The following SHTN1 variants were observed in gnomAD, a reference collection of about 807,000 sequenced individuals.
SHTN1 encodes the protein shootin-1.
SHTN1 carries 42 observed loss-of-function variants against 83.1 expected under a neutral mutation model. The observed-to-expected ratio is 0.51, with a 90% CI of 0.39 to 0.65. SHTN1 has a LOEUF of 0.65. Among genes scored for constraint, SHTN1 ranks in the 30% least tolerant of loss-of-function variants. The pLI is 0.00. For synonymous variants in SHTN1, 224 were observed against 247.7 expected (o/e 0.90, Z 0.90); for missense variants, 622 against 737.8 (o/e 0.84, Z 1.82).
chr10:117,065,022 T>C (rs1280811440), intron 1 of SHTN1, among the ~76,000 whole-genome samples: 1 of 152,182 alleles, frequency 6.6e-6, no homozygotes, highest in Non-Finnish European at 1.5e-5. Context: ...TTAAGAAAGG[T>C]GGACTACATC....
chr10:117,003,846 C>T (rs1374667946), intron 1 of SHTN1, among the ~76,000 whole-genome samples: 1 of 152,152 alleles, frequency 6.6e-6, no homozygotes, highest in African/African-American at 2.4e-5. Flanking sequence ...CACATTTTTA[C>T]TTCCTTTAAA....
At chr10:117,063,366 C>A (rs1378080355) in intron 1 of SHTN1, among the ~76,000 whole-genome samples, 1 of 152,202 alleles carries the variant, frequency 6.6e-6, no homozygotes, top group Non-Finnish European at 1.5e-5. Flanking sequence ...CTCTGCTCCA[C>A]GGTTTCACCA....
At chr10:117,006,065 C>G (rs1009558102), upstream of SHTN1, among the ~76,000 whole-genome samples, 3 of 152,296 alleles carry the variant, frequency 2.0e-5, no homozygotes, top group South Asian at 6.2e-4. Context: ...TTCAAAGGTG[C>G]TTCTCCCCAA....
rs547470951 is a variant in SHTN1, at chr10:116,979,945, C to A, written c.59-637G>T. On this transcript the variant is annotated intron_variant, in intron 1 of 16. Coordinates refer to ENST00000355371, the MANE Select transcript of SHTN1 (RefSeq NM_001127211.3). Reference sequence around the variant, plus strand: ...AACAACTATTTTCAGACAAGATTGTCAGTCACGACCAGAAATTCAGACTCA... The same window carrying A: ...AACAACTATTTTCAGACAAGATTGTAAGTCACGACCAGAAATTCAGACTCA... Among the ~76,000 whole-genome samples, 3 of 152,272 alleles carry A rather than the reference C, an allele frequency of 2.0e-5. No individual in the cohort carries two copies. The South Asian group carries it at 6.2e-4, about 32-fold the overall frequency.
At chr10:117,118,291 A>G (rs1188769459) in intron 1 of SHTN1, among the ~76,000 whole-genome samples, 1 of 151,138 alleles carries the variant, frequency 6.6e-6, no homozygotes, top group African/African-American at 2.4e-5. Context: ...GCAAATAGGT[A>G]TATGAAGAAA....
intron 1 of SHTN1, among the ~76,000 whole-genome samples, chr10:117,085,273 C>T (rs1748798601): frequency 6.6e-6 from 1 of 152,130 alleles, no homozygotes; most frequent in Admixed American, 6.6e-5. Flanking sequence ...CATATATGCA[C>T]TCAATGCTAT....
At chr10:117,024,174 C>G (rs1446491118) in intron 2 of SHTN1, among the ~76,000 whole-genome samples, 1 of 151,918 alleles carries the variant, frequency 6.6e-6, no homozygotes, top group Non-Finnish European at 1.5e-5. Context: ...TTATGAAATT[C>G]TAGAATAGAC....
At chr10:117,103,530 C>CTTTTT (rs35229163) in intron 1 of SHTN1, among the ~76,000 whole-genome samples, 78 of 77,556 alleles carry the variant, frequency 1.0e-3, no homozygotes, top group East Asian at 1.9e-3. Flanking sequence ...CCTCCCCTCT[C>CTTTTT]TTTTTTTTTT....
intron 1 of SHTN1, among the ~76,000 whole-genome samples, chr10:117,103,639 G>A (rs1427072486): frequency 6.8e-5 from 9 of 133,002 alleles, no homozygotes; most frequent in African/African-American, 2.0e-4. Context: ...CCAGGTTCAC[G>A]CCATTCTCCT....
rs1402932840 is a variant in SHTN1, at chr10:116,881,913, C to T, written c.*4431G>A. On this transcript the variant is annotated 3_prime_UTR_variant, in exon 17 of 17. Coordinates refer to ENST00000355371, the MANE Select transcript of SHTN1 (RefSeq NM_001127211.3). ...TTTGTTTGTCTATTAGCTCTCCTGT[C>T]CATTTTTCAGGGACACGCTCCAGTA... 1 of 359,874 alleles carries T rather than the reference C, an allele frequency of 2.8e-6. No homozygotes were observed. Among genetic ancestry groups the T allele is most frequent in the Non-Finnish European group, 4.9e-6 (1 of 203,274 alleles). 22.3% of individuals were successfully genotyped at this position (359,874 alleles called of 1,614,324 possible). A position where few individuals can be genotyped will look rare whatever the true frequency, so the allele number is the denominator to read the frequency against.
chr10:117,092,708 C>T (rs1053163368), intron 1 of SHTN1, among the ~76,000 whole-genome samples: 1 of 152,112 alleles, frequency 6.6e-6, no homozygotes, highest in Non-Finnish European at 1.5e-5. Context: ...TGAGCAATTA[C>T]CATTTTCTGG....
rs921343510 is a variant in SHTN1 at position 116,883,249 on chromosome 10, T to C, written c.*3095A>G. On this transcript the variant is annotated 3_prime_UTR_variant, in exon 17 of 17. Coordinates refer to ENST00000355371, the MANE Select transcript of SHTN1 (RefSeq NM_001127211.3). ...TAGGGTGCTAGGCACTCTTTCTACT[T>C]ATACTTTCTCTCTCTTGTGTTATAT... The C allele has an allele frequency of 1.1e-4, 16 of 152,204 alleles. No homozygotes were observed. The highest frequency in any genetic ancestry group is 2.9e-5 in the Non-Finnish European group (2 of 68,030). 9.4% of individuals were successfully genotyped at this position (152,204 alleles called of 1,614,324 possible).
At chr10:116,965,047 C>T (rs1216481625) in intron 3 of SHTN1, among the ~76,000 whole-genome samples, 1 of 152,148 alleles carries the variant, frequency 6.6e-6, no homozygotes, top group Non-Finnish European at 1.5e-5. Flanking sequence ...GGGAATGCAG[C>T]TTTGCTATGT....
intron 1 of SHTN1, among the ~76,000 whole-genome samples, chr10:117,061,289 C>T (rs143870693): frequency 4.9e-5 from 7 of 143,442 alleles, no homozygotes; most frequent in South Asian, 2.3e-4. Flanking sequence ...TGGGATTACA[C>T]GCGTTCAAGC....
chr10:117,109,387 A>G (rs1299900510), intron 1 of SHTN1, among the ~76,000 whole-genome samples: 6 of 151,938 alleles, frequency 3.9e-5, no homozygotes, highest in Non-Finnish European at 1.5e-5. Context: ...GCTTCCCTCA[A>G]TACAGAGTAT....
chr10:117,080,755 T>A (rs1378497927), intron 1 of SHTN1, among the ~76,000 whole-genome samples: 1 of 82,996 alleles, frequency 1.2e-5, no homozygotes. Context: ...GTCCTTCACA[T>A]CCCTTGTAAG....
chr10:116,884,047 G>T lies in SHTN1; in HGVS notation c.*2297C>A. On this transcript the variant is annotated 3_prime_UTR_variant, in exon 17 of 17. Transcript: ENST00000355371. ...TTAAAGAAAAAAAATCCTCTATAGC[G>T]CACAAGACTTAATTTATCTTTCCCA... The T allele has an allele frequency of 6.5e-6, 2 of 305,914 alleles. No homozygotes were observed. The highest frequency in any genetic ancestry group is 2.7e-5 in the South Asian group (1 of 37,138). 18.9% of individuals were successfully genotyped at this position (305,914 alleles called of 1,614,324 possible).
chr10:116,985,255 CTG>C (rs1851181225), intron 1 of SHTN1, among the ~76,000 whole-genome samples: 1 of 152,200 alleles, frequency 6.6e-6, no homozygotes, highest in African/African-American at 2.4e-5. Context: ...TCGTGTAAAT[CTG>C]TGAGGCAAAA....
At chr10:117,060,069 C>T (rs1485806018) in intron 1 of SHTN1, among the ~76,000 whole-genome samples, 1 of 151,872 alleles carries the variant, frequency 6.6e-6, no homozygotes, top group African/African-American at 2.4e-5. Flanking sequence ...TTTAATTAGC[C>T]AGGCATGGTG....
Sources: gnomAD v4.1 joint callset for allele counts (sites outside exome capture counted in the v4.1 genomes callset) on GRCh38, gnomAD v4.1.1 for gene constraint, MANE v1.5 for transcripts, NCBI Gene and HGNC (gene_info 2026-07-23, HGNC 2026-07-21) for gene names.